ZNF385D: variants seen among roughly 807,000 people sequenced by gnomAD.
ZNF385D encodes the protein zinc finger protein 385D.
ZNF385D carries 15 observed loss-of-function variants against 35.8 expected under a neutral mutation model. The ratio of observed to expected loss-of-function variants is 0.42; its 90% CI spans 0.28 to 0.64. ZNF385D has a LOEUF of 0.64. ZNF385D is among the 30% of genes least tolerant of loss of function. The pLI is 0.23. For synonymous variants in ZNF385D, 212 were observed against 186.8 expected (o/e 1.13, Z -1.10); for missense variants, 474 against 494.6 (o/e 0.96, Z 0.39).
In ZNF385D at chr3:22,126,828, A is replaced by G. The variant is rs75341984; in HGVS notation, c.325+41989T>C. Among the ~76,000 whole-genome samples the G allele has an allele frequency of 3.6e-3, 543 of 152,142 alleles. 12 individuals carry two copies. The East Asian group carries it at 0.063, about 18-fold the overall frequency. ...TATCTCTCTCTTTAGCTCTAATAGT[A>G]TTTGTTTTCTATATCTGGGTTTTCC... On this transcript the variant is annotated intron_variant, in intron 3 of 5. Coordinates refer to the ZNF385D transcript ENST00000494108.
At chr3:21,637,561 T>C (rs1258129095) in intron 2 of ZNF385D, among the ~76,000 whole-genome samples, 1 of 152,122 alleles carries the variant, frequency 6.6e-6, no homozygotes, top group South Asian at 2.1e-4. Context: ...AGATTTGTTA[T>C]TTTTGCTTAG....
chr3:21,782,748 G>A (rs144809962), intron 3 of ZNF385D, among the ~76,000 whole-genome samples: 154 of 152,198 alleles, frequency 1.0e-3, no homozygotes, highest in African/African-American at 3.6e-3. Context: ...CTTTTAGAAT[G>A]TGTCTGATAT....
intron 1 of ZNF385D, among the ~76,000 whole-genome samples, chr3:21,673,676 C>T (rs2066641848): frequency 6.6e-6 from 1 of 152,036 alleles, no homozygotes; most frequent in Non-Finnish European, 1.5e-5. Context: ...ACTCAAAGAA[C>T]AAACCAAATT....
At chr3:22,174,484 T>C (rs1694685299) in intron 2 of ZNF385D, among the ~76,000 whole-genome samples, 1 of 152,162 alleles carries the variant, frequency 6.6e-6, no homozygotes, top group Non-Finnish European at 1.5e-5. Flanking sequence ...CGACTCTAAA[T>C]GGTATAAACC....
intron 2 of ZNF385D, among the ~76,000 whole-genome samples, chr3:22,363,014 C>G (rs916273307): frequency 3.3e-5 from 5 of 152,140 alleles, no homozygotes; most frequent in African/African-American, 1.2e-4. Context: ...CAGCAAAGAA[C>G]TGAATTATCC....
intron 3 of ZNF385D, among the ~76,000 whole-genome samples, chr3:21,845,058 G>A (rs111556618): frequency 1.0e-3 from 159 of 151,930 alleles, no homozygotes; most frequent in African/African-American, 3.3e-3. Context: ...AAATGTTAAC[G>A]CAGGTCTTAA....
At chr3:21,720,391 C>G (rs1165136701) in intron 1 of ZNF385D, among the ~76,000 whole-genome samples, 2 of 152,100 alleles carry the variant, frequency 1.3e-5, no homozygotes, top group Non-Finnish European at 2.9e-5. Context: ...CTAGTCTCTA[C>G]AAAAATTTAA....
chr3:22,284,828 C>G lies in ZNF385D; in HGVS notation c.106+87622G>C, dbSNP rs547044915. On this transcript the variant is annotated intron_variant, in intron 2 of 5. Coordinates refer to the ZNF385D transcript ENST00000494108. The stretch of plus-strand genomic sequence containing the variant: ...AGGAGAAATGTATAAATTTGGTATA[C>G]CTAAAAAAGAAAATCCTTTCTGAGG... Among the ~76,000 whole-genome samples, 57 of 152,014 alleles carry G rather than the reference C, an allele frequency of 3.7e-4. No individual in the cohort carries two copies. The South Asian group carries it at 5.6e-3, about 15-fold the overall frequency.
At chr3:21,903,648 A>G (rs1575875912) in intron 3 of ZNF385D, among the ~76,000 whole-genome samples, 1 of 152,180 alleles carries the variant, frequency 6.6e-6, no homozygotes, top group African/African-American at 2.4e-5. Context: ...GGTGCATTTT[A>G]TTTTACAGAA....
chr3:21,455,450 A>G (rs949873624), intron 4 of ZNF385D, among the ~76,000 whole-genome samples: 3 of 152,176 alleles, frequency 2.0e-5, no homozygotes, highest in Non-Finnish European at 4.4e-5. Context: ...CAACCATCTG[A>G]TCTTTGACAA....
chr3:21,964,848 TTTCTA>T lies in ZNF385D; in HGVS notation c.325+203964_325+203968del, dbSNP rs546000701. ...TTTGTTGTATGTTCAAAGGTAATAATTTCTATTCTTATTATAAATATATTTGTAGA... is the reference window on the plus strand; with the variant it reads ...TTTGTTGTATGTTCAAAGGTAATAATTTCTTATTATAAATATATTTGTAGA... On this transcript the variant is annotated intron_variant, in intron 3 of 5. Coordinates refer to the ZNF385D transcript ENST00000494108. Among the ~76,000 whole-genome samples the T allele has an allele frequency of 3.9e-4, 60 of 152,256 alleles. No homozygotes were observed. The South Asian group carries it at 0.011, about 29-fold the overall frequency.
intron 3 of ZNF385D, among the ~76,000 whole-genome samples, chr3:21,776,853 T>C (rs2071309482): frequency 6.6e-6 from 1 of 152,064 alleles, no homozygotes; most frequent in South Asian, 2.1e-4. Flanking sequence ...GGGCAGAAAC[T>C]GAAACTTTTT....
intron 3 of ZNF385D, among the ~76,000 whole-genome samples, chr3:21,810,940 C>A (rs910332097): frequency 1.0e-4 from 15 of 143,898 alleles, no homozygotes; most frequent in African/African-American, 3.9e-4. Context: ...ACACACAGCA[C>A]ATCACACACA....
chr3:22,027,832 G>T (rs1428857796), intron 3 of ZNF385D, among the ~76,000 whole-genome samples: 1 of 152,140 alleles, frequency 6.6e-6, no homozygotes, highest in Non-Finnish European at 1.5e-5. Flanking sequence ...CCTCATGGGG[G>T]GTTCTCTATG....
intron 2 of ZNF385D, among the ~76,000 whole-genome samples, chr3:22,278,153 G>A (rs1188119157): frequency 6.6e-6 from 1 of 151,976 alleles, no homozygotes. Flanking sequence ...ACCCAACATG[G>A]CCTACAACAG....
chr3:21,863,002 G>A (rs1210399479), intron 3 of ZNF385D, among the ~76,000 whole-genome samples: 2 of 152,094 alleles, frequency 1.3e-5, no homozygotes, highest in South Asian at 2.1e-4. Flanking sequence ...CTCACTTTGT[G>A]TACAAATATG....
At chr3:21,534,883 G>A (rs2062000589) in intron 3 of ZNF385D, among the ~76,000 whole-genome samples, 1 of 152,086 alleles carries the variant, frequency 6.6e-6, no homozygotes, top group Admixed American at 6.5e-5. Flanking sequence ...GTTATTGGAA[G>A]TCTATGGAAA....
In ZNF385D at chr3:21,611,016, C is replaced by A. The variant is rs551870363; in HGVS notation, c.166-46332G>T. Among the ~76,000 whole-genome samples the A allele has an allele frequency of 3.3e-5, 5 of 152,256 alleles. No homozygotes were observed. The East Asian group carries it at 9.7e-4, about 29-fold the overall frequency. Reference sequence around the variant, plus strand: ...TAGCCCCAAATTTCTTGTCATAGACCCTTTTCTATAAGCAACTTACAGCAT... The same window carrying A: ...TAGCCCCAAATTTCTTGTCATAGACACTTTTCTATAAGCAACTTACAGCAT... On this transcript the variant is annotated intron_variant, in intron 2 of 7. Transcript: ENST00000281523.
chr3:22,074,243 T>G (rs1023904985), intron 3 of ZNF385D, among the ~76,000 whole-genome samples: 3 of 151,990 alleles, frequency 2.0e-5, no homozygotes, highest in African/African-American at 7.2e-5. Flanking sequence ...AAAGACAAGC[T>G]GATCCACAAT....
Sources: allele counts gnomAD v4.1 joint callset (sites outside exome capture counted in the v4.1 genomes callset), GRCh38; gene constraint gnomAD v4.1.1; transcripts MANE v1.5; gene names NCBI Gene and HGNC (gene_info 2026-07-23, HGNC 2026-07-21).